Variants in FMN2 observed in about 807,000 individuals in gnomAD.
FMN2 encodes the protein formin-2.
Under a neutral mutation model 142.3 loss-of-function variants are expected in FMN2, and 51 were observed. The observed-to-expected ratio is 0.36, with a 90% CI of 0.29 to 0.45. The LOEUF is 0.45. Among genes scored for constraint, FMN2 ranks in the 20% least tolerant of loss-of-function variants. The pLI is 1.00. For synonymous variants in FMN2, 882 were observed against 869.8 expected (o/e 1.01, Z -0.25); for missense variants, 1,936 against 2,122.8 (o/e 0.91, Z 1.73).
At position 240,392,419 on chromosome 1, in the gene FMN2, A is replaced by C. The variant is rs896409693; in HGVS notation, c.4859-92A>C. On this transcript the variant is annotated intron_variant, in intron 14 of 17. Transcript: ENST00000319653. ...TGTAGTACAATAGAATTAATAATTA[A>C]AATAAGTTACGTTATGTAGGGCAGA... 20 of 979,858 alleles carry C rather than the reference A, an allele frequency of 2.0e-5. No homozygotes were observed. The African/African-American group carries it at 3.1e-4, about 15-fold the overall frequency. 60.7% of individuals were successfully genotyped at this position (979,858 alleles called of 1,614,324 possible).
At chr1:240,249,013 G>A (rs1047704053) in intron 6 of FMN2, among the ~76,000 whole-genome samples, 1 of 152,020 alleles carries the variant, frequency 6.6e-6, no homozygotes, top group Admixed American at 6.6e-5. Context: ...CATGTTGAAT[G>A]AATAGTTTAC....
chr1:240,208,841 A>G, intron 5 of FMN2, 109 bp downstream of exon 5: 2 of 1,391,966 alleles, frequency 1.4e-6, no homozygotes, highest in Non-Finnish European at 1.9e-6. Flanking sequence ...GCACAACTCT[A>G]AAACTCGTCT....
chr1:240,237,352 T>G (rs1446401739), intron 6 of FMN2, among the ~76,000 whole-genome samples: 1 of 152,216 alleles, frequency 6.6e-6, no homozygotes, highest in Non-Finnish European at 1.5e-5. Flanking sequence ...GACTCAGCTC[T>G]GCATACCAGC....
intron 13 of FMN2, among the ~76,000 whole-genome samples, chr1:240,343,277 T>G (rs1198474101): frequency 6.6e-6 from 1 of 152,214 alleles, no homozygotes; most frequent in South Asian, 2.1e-4. Context: ...CATTAGCTCA[T>G]TTAATCCCTA....
intron 8 of FMN2, among the ~76,000 whole-genome samples, chr1:240,322,685 G>A (rs1041205094): frequency 2.6e-5 from 4 of 152,104 alleles, no homozygotes; most frequent in African/African-American, 9.7e-5. Flanking sequence ...TATACGTAAT[G>A]AGCCTTTCAG....
At chr1:240,256,049 G>A (rs565629966) in intron 6 of FMN2, among the ~76,000 whole-genome samples, 1 of 152,250 alleles carries the variant, frequency 6.6e-6, no homozygotes, top group Admixed American at 6.5e-5. Context: ...AATACTATAG[G>A]GAGGTCGAAT....
intron 8 of FMN2, among the ~76,000 whole-genome samples, chr1:240,321,287 A>G (rs150169292): frequency 2.0e-5 from 3 of 152,290 alleles, no homozygotes; most frequent in African/African-American, 7.2e-5. Context: ...CACTCAGAGT[A>G]TTTGTTACCA....
At chr1:240,105,980 C>G (rs891380808) in intron 1 of FMN2, among the ~76,000 whole-genome samples, 5 of 152,052 alleles carry the variant, frequency 3.3e-5, no homozygotes, top group African/African-American at 4.8e-5. Context: ...TTTCCATACA[C>G]TTTTTGGGGA....
At chr1:240,266,729 A>G (rs1037891130) in intron 7 of FMN2, among the ~76,000 whole-genome samples, 1 of 152,020 alleles carries the variant, frequency 6.6e-6, no homozygotes, top group Non-Finnish European at 1.5e-5. Context: ...CCAAAACAGC[A>G]TGGTACTGGT....
chr1:240,188,653 AG>A (rs1008640337), intron 4 of FMN2, among the ~76,000 whole-genome samples: 17 of 152,200 alleles, frequency 1.1e-4, no homozygotes, highest in African/African-American at 4.1e-4. Context: ...AAGTCAAATA[AG>A]GTTCTTATTA....
At chr1:240,246,784 A>G (rs1312250080) in intron 6 of FMN2, among the ~76,000 whole-genome samples, 6 of 152,232 alleles carry the variant, frequency 3.9e-5, no homozygotes, top group Non-Finnish European at 8.8e-5. Context: ...TAACTTTATT[A>G]AGAGAATTAT....
At chr1:240,420,613 C>T (rs1674729582) in intron 15 of FMN2, among the ~76,000 whole-genome samples, 1 of 152,202 alleles carries the variant, frequency 6.6e-6, no homozygotes, top group African/African-American at 2.4e-5. Flanking sequence ...GACATTTTTA[C>T]TAAAGATATC....
intron 1 of FMN2, among the ~76,000 whole-genome samples, chr1:240,093,990 A>G (rs932498889): frequency 6.6e-6 from 1 of 152,240 alleles, no homozygotes; most frequent in Non-Finnish European, 1.5e-5. Context: ...CATTTCACCA[A>G]AATACCTGCT....
At chr1:240,296,182 G>T (rs10926202) in intron 8 of FMN2, among the ~76,000 whole-genome samples, 53,292 of 146,834 alleles carry the variant, frequency 0.36, 9,741 homozygotes, top group Admixed American at 0.43. Flanking sequence ...TTTAGCTTTT[G>T]TTATGTAGTA....
chr1:240,111,343 A>G (rs745919780), intron 1 of FMN2, among the ~76,000 whole-genome samples: 3 of 152,214 alleles, frequency 2.0e-5, no homozygotes, highest in Admixed American at 2.0e-4. Flanking sequence ...CTTAGAGTAA[A>G]GTGAAAGCAA....
rs71646895 is a variant in FMN2 at position 240,208,028 on chromosome 1, G to A, written c.3216G>A (p.Ala1072=). The A allele has an allele frequency of 0.2, 46,576 of 234,454 alleles. 2,162 individuals are homozygous for A. Among genetic ancestry groups the A allele is most frequent in the South Asian group, 0.21 (6,312 of 29,564 alleles). 14.5% of individuals were successfully genotyped at this position (234,454 alleles called of 1,614,324 possible). Residue 1072 remains alanine, a synonymous_variant, in exon 5 of 18, where the codon GCG becomes GCA. Coordinates refer to ENST00000319653, the MANE Select transcript of FMN2 (RefSeq NM_020066.5). ...GIPPPPPLPG[A]GIPPPPPLPG... ...CTCCTCCACCCCCTCTACCCGGAGC[G>A]GGCATACCCCCTCCGCCCCCACTTC... is the stretch of plus-strand genomic sequence containing the variant.
Position 240,092,175 on chromosome 1 carries a change from C to T in FMN2, c.66C>T (p.Gly22=). The T allele has an allele frequency of 1.3e-6, 2 of 1,577,192 alleles. No individual in the cohort carries two copies. Among genetic ancestry groups the T allele is most frequent in the Non-Finnish European group, 1.7e-6 (2 of 1,162,576 alleles). The stretch of plus-strand genomic sequence containing the variant: ...ATGCTTTGCACGAAGGCGGCGGTGG[C>T]GCCGAGGATGCGCTGGGGCCCAGGG... The part of the protein sequence containing the change: ...AGDALHEGGG[G]AEDALGPRDV... Residue 22 remains glycine, a synonymous_variant, in exon 1 of 18, where the codon GGC becomes GGT. Coordinates refer to ENST00000319653, the MANE Select transcript of FMN2 (RefSeq NM_020066.5).
At chr1:240,170,483 A>G in intron 2 of FMN2, 1 of 1,461,562 alleles carries the variant, frequency 6.8e-7, no homozygotes, top group Non-Finnish European at 9.6e-7. Flanking sequence ...ATTTTGTCTA[A>G]ATCCTAAAAC....
intron 14 of FMN2, among the ~76,000 whole-genome samples, chr1:240,359,592 T>C: frequency 6.6e-6 from 1 of 152,196 alleles, no homozygotes; most frequent in East Asian, 1.9e-4. Flanking sequence ...TCCCTCCCTA[T>C]CTTCCTAGTT....
Sources: gnomAD v4.1 joint callset for allele counts (sites outside exome capture counted in the v4.1 genomes callset) on GRCh38, gnomAD v4.1.1 for gene constraint, MANE v1.5 for transcripts, NCBI Gene and HGNC (gene_info 2026-07-23, HGNC 2026-07-21) for gene names.